The following SPATA6 variants were observed in gnomAD, a reference collection of about 807,000 sequenced individuals.
SPATA6 encodes spermatogenesis-associated protein 6.
SPATA6 carries 56 observed loss-of-function variants against 65.3 expected under a neutral mutation model. The ratio of observed to expected loss-of-function variants is 0.86; its 90% CI spans 0.69 to 1.07. SPATA6 has a LOEUF of 1.07. Ranked by LOEUF, SPATA6 falls within the 50% of genes least tolerant of loss-of-function variation. The probability of loss-of-function intolerance (pLI) is 0.00; values close to 1 mark genes in which losing one functional copy is unlikely to be tolerated. For missense variants in SPATA6, 590 were observed against 594.8 expected, an observed-to-expected ratio of 0.99 and a Z score of 0.08; for synonymous variants, 199 against 213.2, an observed-to-expected ratio of 0.93 and a Z score of 0.58.
At chr1:48,442,865 G>A (rs182577554) in intron 3 of SPATA6, among the ~76,000 whole-genome samples, 6 of 152,146 alleles carry the variant, frequency 3.9e-5, no homozygotes, top group Non-Finnish European at 5.9e-5. Context: ...AAACAAGGGC[G>A]TAGCCTGAAA....
intron 11 of SPATA6, among the ~76,000 whole-genome samples, chr1:48,342,083 G>A (rs950365964): frequency 6.6e-6 from 1 of 152,150 alleles, no homozygotes; most frequent in Non-Finnish European, 1.5e-5. Flanking sequence ...GCAGGGGTTG[G>A]CAAACTTTTC....
In SPATA6 at chr1:48,457,050, G is replaced by A. The variant is rs539816059; in HGVS notation, c.52-3919C>T. Among the ~76,000 whole-genome samples, 5 of 152,196 alleles carry A rather than the reference G, an allele frequency of 3.3e-5. No homozygotes were observed. In the East Asian group the frequency reaches 7.7e-4, roughly 24 times the overall value. ...GTTCAAGACCAGCCTGGGCAACATA[G>A]TGAGAGCCTCTCTCTACAGAAAAAA... On this transcript the variant is annotated intron_variant, in intron 1 of 12. Transcript: ENST00000371847.
chr1:48,328,393 G>C (rs1258447764), intron 11 of SPATA6, among the ~76,000 whole-genome samples: 1 of 152,062 alleles, frequency 6.6e-6, no homozygotes, highest in African/African-American at 2.4e-5. Flanking sequence ...AAAAAAAAGT[G>C]TCATTATCTA....
intron 3 of SPATA6, chr1:48,436,801 C>T (rs1485390783): frequency 1.2e-6 from 2 of 1,614,004 alleles, no homozygotes; most frequent in African/African-American, 2.7e-5. Flanking sequence ...GATGCTGTTA[C>T]AGAAACTGAA....
intron 7 of SPATA6, among the ~76,000 whole-genome samples, chr1:48,397,673 A>G (rs1378793644): frequency 6.6e-6 from 1 of 151,678 alleles, no homozygotes; most frequent in Non-Finnish European, 1.5e-5. Flanking sequence ...AAGTGCTTCT[A>G]AAACCATGAA....
intron 12 of SPATA6, among the ~76,000 whole-genome samples, chr1:48,304,768 C>CT (rs1645020830): frequency 6.6e-6 from 1 of 152,148 alleles, no homozygotes; most frequent in Non-Finnish European, 1.5e-5. Context: ...AAATGAGGCT[C>CT]TTTCCTGTAT....
At chr1:48,288,821 C>T in the SPATA6 span, among the ~76,000 whole-genome samples, 3 of 152,204 alleles carry the variant, frequency 2.0e-5, no homozygotes, top group Non-Finnish European at 2.9e-5. Flanking sequence ...ATTGCTGAGG[C>T]TTGAGTAGGA....
intron 12 of SPATA6, among the ~76,000 whole-genome samples, chr1:48,300,983 G>A (rs1644923568): frequency 1.3e-5 from 2 of 151,830 alleles, no homozygotes; most frequent in South Asian, 4.1e-4. Context: ...ATCTGAAACA[G>A]GACAAAGATG....
At chr1:48,423,164 T>C (rs1385487683) in intron 3 of SPATA6, among the ~76,000 whole-genome samples, 1 of 152,012 alleles carries the variant, frequency 6.6e-6, no homozygotes, top group African/African-American at 2.4e-5. Flanking sequence ...TGATAAAAAG[T>C]CAGAAAAGTA....
intron 1 of SPATA6, among the ~76,000 whole-genome samples, chr1:48,462,313 G>A (rs1657507035): frequency 6.6e-6 from 1 of 152,054 alleles, no homozygotes; most frequent in African/African-American, 2.4e-5. Flanking sequence ...CCGGCCCATT[G>A]TGCACATGTA....
At chr1:48,413,680 G>C (rs1420605858) in intron 3 of SPATA6, among the ~76,000 whole-genome samples, 1 of 151,858 alleles carries the variant, frequency 6.6e-6, no homozygotes, top group African/African-American at 2.4e-5. Context: ...ATTGACTCTT[G>C]AACAACTTGA....
chr1:48,320,328 C>A lies in SPATA6; in HGVS notation c.1195-14450G>T, dbSNP rs1270028134. 6.6e-5 allele frequency among the ~76,000 whole-genome samples: 10 copies of A among 152,108 alleles called. No homozygotes were observed. In the East Asian group the frequency reaches 1.9e-3, roughly 29 times the overall value. Reference sequence around the variant, plus strand: ...TCAAGACATTTTACAATCCAACTGCCGAATACCAAAGATACAGAAAAGATC... The same window carrying A: ...TCAAGACATTTTACAATCCAACTGCAGAATACCAAAGATACAGAAAAGATC... On this transcript the variant is annotated intron_variant, in intron 11 of 12. Transcript: ENST00000371847.
At position 48,325,096 on chromosome 1, in the gene SPATA6, T is replaced by C. The variant is rs775364510; in HGVS notation, c.1195-19218A>G. 146 of 441,072 alleles carry C rather than the reference T, an allele frequency of 3.3e-4. 1 individual carries two copies. The highest frequency in any genetic ancestry group is 5.7e-4 in the South Asian group (14 of 24,722). 27.3% of individuals were successfully genotyped at this position (441,072 alleles called of 1,614,324 possible). ...AAAAATATCATATCAGTAAGGAAGA[T>C]GTGGGCTTCTTGTCTGGCCAAGCCT... On this transcript the variant is annotated intron_variant, in intron 11 of 12. Coordinates refer to ENST00000371847, the MANE Select transcript of SPATA6 (RefSeq NM_019073.4).
At chr1:48,367,912 A>T (rs1018160961) in intron 9 of SPATA6, among the ~76,000 whole-genome samples, 1 of 152,148 alleles carries the variant, frequency 6.6e-6, no homozygotes, top group Non-Finnish European at 1.5e-5. Context: ...ATAATTTGGC[A>T]TGTTTTTGCA....
At chr1:48,419,188 A>C (rs1653087719) in intron 3 of SPATA6, among the ~76,000 whole-genome samples, 1 of 152,102 alleles carries the variant, frequency 6.6e-6, no homozygotes, top group South Asian at 2.1e-4. Flanking sequence ...CCTCAAAACA[A>C]CCCTAACAAG....
chr1:48,444,818 G>A (rs1398881560), intron 3 of SPATA6, among the ~76,000 whole-genome samples: 7 of 152,068 alleles, frequency 4.6e-5, no homozygotes, highest in Admixed American at 6.6e-5. Flanking sequence ...TGAAGTCAGC[G>A]AGACCAAGAA....
intron 3 of SPATA6, among the ~76,000 whole-genome samples, chr1:48,445,178 C>A (rs1655895663): frequency 6.6e-6 from 1 of 152,198 alleles, no homozygotes; most frequent in African/African-American, 2.4e-5. Flanking sequence ...TGACATACAG[C>A]CAAACTGATT....
At chr1:48,363,916 G>A (rs1192359232) in intron 9 of SPATA6, among the ~76,000 whole-genome samples, 1 of 151,660 alleles carries the variant, frequency 6.6e-6, no homozygotes. Flanking sequence ...TCATCATTTA[G>A]CATTAGGTAT....
chr1:48,284,002 T>C, the SPATA6 span, among the ~76,000 whole-genome samples: 1 of 152,294 alleles, frequency 6.6e-6, no homozygotes, highest in Admixed American at 6.5e-5. Context: ...GAAGTTCTCC[T>C]GGATAATATC....
Sources: gnomAD v4.1 joint callset for allele counts (sites outside exome capture counted in the v4.1 genomes callset) on GRCh38, gnomAD v4.1.1 for gene constraint, MANE v1.5 for transcripts, NCBI Gene and HGNC (gene_info 2026-07-23, HGNC 2026-07-21) for gene names.